Variants in VDAC3 observed in about 807,000 individuals in gnomAD.
VDAC3 encodes the protein voltage dependent anion channel 3, also known as non-selective voltage-gated ion channel VDAC3.
VDAC3 carries 7 observed loss-of-function variants against 33.9 expected under a neutral mutation model. The ratio of observed to expected loss-of-function variants is 0.21; its 90% confidence interval spans 0.12 to 0.39. VDAC3 has a LOEUF of 0.39. Among genes scored for constraint, VDAC3 ranks in the 10% least tolerant of loss-of-function variants. The pLI is 1.00. For missense variants in VDAC3, 261 were observed against 334.5 expected, an observed-to-expected ratio of 0.78 and a Z score of 1.71; for synonymous variants, 100 against 122.4, an observed-to-expected ratio of 0.82 and a Z score of 1.21.
In VDAC3 at chr8:42,393,851, G is replaced by T; in HGVS notation, c.-36G>T. 1 of 419,816 alleles carries T rather than the reference G, an allele frequency of 2.4e-6. No homozygotes were observed. The highest frequency in any genetic ancestry group is 4.2e-6 in the Non-Finnish European group (1 of 237,500). The allele number at this position is 419,816 out of a possible 1,614,324, so 26.0% of individuals were successfully genotyped here. A position where few individuals can be genotyped will look rare whatever the true frequency, so the allele number is the denominator to read the frequency against. ...CCATTGTTGTCTTATACAGGTCTTT[G>T]GTTTCATAAGAGCCTGAGAGAGATT... On this transcript the variant is annotated 5_prime_UTR_variant, in exon 2 of 10. Transcript: ENST00000022615.
intron 5 of VDAC3, 121 bp downstream of exon 5, chr8:42,398,985 C>A: frequency 8.9e-7 from 1 of 1,127,750 alleles, no homozygotes; most frequent in Non-Finnish European, 1.2e-6. Context: ...TATTTTTTCT[C>A]TGCATGTGGC....
chr8:42,395,227 A>G (rs1802283793), intron 4 of VDAC3, 94 bp downstream of exon 4: 2 of 1,550,062 alleles, frequency 1.3e-6, no homozygotes, highest in Non-Finnish European at 8.8e-7. Context: ...AACCAGCACC[A>G]TGCTGTCTTC....
chr8:42,402,063 T>TA, intron 7 of VDAC3, 48 bp downstream of exon 7: 1 of 1,564,812 alleles, frequency 6.4e-7, no homozygotes, highest in Non-Finnish European at 8.7e-7. Flanking sequence ...TTGCCCAAAA[T>TA]ATTGTAGCCA....
chr8:42,400,679 T>C (rs1010481221), intron 6 of VDAC3, among the ~76,000 whole-genome samples: 36 of 141,578 alleles, frequency 2.5e-4, no homozygotes, highest in South Asian at 1.2e-3. Flanking sequence ...TTTTCTTTTT[T>C]TTTTTTTTTT....
At position 42,401,870 on chromosome 8, in the gene VDAC3, C is replaced by T. The variant is rs1325769130; in HGVS notation, c.406C>T (p.Pro136Ser). 1 of 1,614,188 alleles carries T rather than the reference C, an allele frequency of 6.2e-7. No individual in the cohort carries two copies. ...TAATGTTGATATAGATTTTTCTGGA[C>T]CAACCATCTATGGCTGGGCTGTGTT... ...GSNVDIDFSGPTIYGWAVLAF... is the reference protein window; with the variant it reads ...GSNVDIDFSGSTIYGWAVLAF... The change falls in exon 7 of 10, where the codon CCA becomes TCA. Residue 136 changes from proline to serine, a missense_variant. Transcript: ENST00000022615.
At chr8:42,403,547 G>C in intron 8 of VDAC3, 86 bp downstream of exon 8, 1 of 1,360,208 alleles carries the variant, frequency 7.4e-7, no homozygotes, top group Admixed American at 2.5e-5. Flanking sequence ...TAGTTTGCTT[G>C]TTCTTTATTA....
At chr8:42,394,503 C>T (rs1424441349) in intron 3 of VDAC3, among the ~76,000 whole-genome samples, 1 of 152,096 alleles carries the variant, frequency 6.6e-6, no homozygotes, top group East Asian at 1.9e-4. Context: ...TATACATGTC[C>T]ATATTTAATG....
At chr8:42,393,783 T>C in intron 1 of VDAC3, 62 bp from the exon 2 acceptor site, 1 of 405,020 alleles carries the variant, frequency 2.5e-6, no homozygotes, top group Non-Finnish European at 4.4e-6. Context: ...ATGTTAACCC[T>C]GAGGATTTTG....
At chr8:42,393,205 G>A (rs980578211) in intron 1 of VDAC3, among the ~76,000 whole-genome samples, 2 of 152,142 alleles carry the variant, frequency 1.3e-5, no homozygotes, top group Non-Finnish European at 2.9e-5. Context: ...TGGTATGATG[G>A]GGTAGGCAGA....
intron 8 of VDAC3, among the ~76,000 whole-genome samples, chr8:42,404,659 T>G (rs1016117026): frequency 1.3e-5 from 2 of 150,582 alleles, no homozygotes; most frequent in Non-Finnish European, 2.9e-5. Flanking sequence ...GAAGCGGAGG[T>G]TGCAGTGAGC....
chr8:42,399,125 T>A, intron 5 of VDAC3, among the ~76,000 whole-genome samples: 1 of 152,092 alleles, frequency 6.6e-6, no homozygotes, highest in Non-Finnish European at 1.5e-5. Context: ...ACAAACTATT[T>A]GCGGAAATTT....
intron 1 of VDAC3, among the ~76,000 whole-genome samples, chr8:42,392,350 C>T (rs1377358214): frequency 6.6e-6 from 1 of 152,236 alleles, no homozygotes; most frequent in Non-Finnish European, 1.5e-5. Context: ...TCTGTACTGG[C>T]TGTCAAGTTA....
intron 6 of VDAC3, among the ~76,000 whole-genome samples, chr8:42,400,597 C>T (rs1056371659): frequency 6.6e-6 from 1 of 151,038 alleles, no homozygotes; most frequent in African/African-American, 2.4e-5. Flanking sequence ...TGCAAAGTGA[C>T]ATTTGTCTCA....
At chr8:42,394,340 T>C (rs1345192660) in intron 3 of VDAC3, 62 bp downstream of exon 3, 9 of 1,345,246 alleles carry the variant, frequency 6.7e-6, no homozygotes, top group South Asian at 3.7e-5. Context: ...GCCTACTGTG[T>C]GTAAATACTG....
chr8:42,400,673 C>CTTTTTTTTTTT (rs1188886241), intron 6 of VDAC3, among the ~76,000 whole-genome samples: 2 of 72,320 alleles, frequency 2.8e-5, no homozygotes, highest in African/African-American at 6.1e-5. Context: ...ATATTCTTTT[C>CTTTTTTTTTTT]TTTTTTTTTT....
At chr8:42,394,149 CTG>C in intron 2 of VDAC3, 59 bp from the exon 3 acceptor site, 1 of 1,454,092 alleles carries the variant, frequency 6.9e-7, no homozygotes, top group Non-Finnish European at 9.7e-7. Context: ...AGCAGAAGAA[CTG>C]TGGGTGAATA....
chr8:42,405,399 C>A lies in VDAC3; in HGVS notation c.789C>A (p.Ile263=). 6.2e-7 allele frequency: 1 copy of A among 1,612,876 alleles called. No individual in the cohort carries two copies. The highest frequency in any genetic ancestry group is 8.5e-7 in the Non-Finnish European group (1 of 1,179,954). ...PGVKLTLSAL[I]DGKNFSAGGH... ...TCAAATTGACTTTATCAGCTTTAAT[C>A]GATGGGAAGAACTTCAGTGCAGGAG... The change falls in exon 10 of 10, where the codon ATC becomes ATA. Residue 263 remains isoleucine (I), a synonymous_variant. Coordinates refer to ENST00000022615, the MANE Select transcript of VDAC3 (RefSeq NM_005662.7).
Position 42,398,246 on chromosome 8 carries a change from T to C in VDAC3, c.118-466T>C, listed in dbSNP as rs184468079. On this transcript the variant is annotated intron_variant, in intron 4 of 9. Transcript: ENST00000022615. ...GAACAAGAGATATTAATAAGAGAAGTAGAGTAATGGAAAGATCTGAAACTG... is the reference window on the plus strand; with the variant it reads ...GAACAAGAGATATTAATAAGAGAAGCAGAGTAATGGAAAGATCTGAAACTG... 4.6e-5 allele frequency among the ~76,000 whole-genome samples: 7 copies of C among 152,264 alleles called. No homozygotes were observed. In the East Asian group the frequency reaches 5.8e-4, roughly 13 times the overall value.
intron 4 of VDAC3, among the ~76,000 whole-genome samples, chr8:42,395,365 A>G (rs1370707593): frequency 1.3e-5 from 2 of 152,252 alleles, no homozygotes; most frequent in Non-Finnish European, 2.9e-5. Context: ...CAGAAGATGT[A>G]GAATATATAT....
Sources: gnomAD v4.1 joint callset for allele counts (sites outside exome capture counted in the v4.1 genomes callset) on GRCh38, gnomAD v4.1.1 for gene constraint, MANE v1.5 for transcripts, NCBI Gene and HGNC (gene_info 2026-07-23, HGNC 2026-07-21) for gene names.